Variants in CCNB3 observed in about 807,000 individuals in gnomAD.
CCNB3 encodes cyclin B3.
CCNB3 carries 12 observed loss-of-function variants against 68.0 expected under a neutral mutation model. The ratio of observed to expected loss-of-function variants is 0.18; its 90% CI spans 0.11 to 0.29. The LOEUF (loss-of-function observed/expected upper bound fraction) is 0.29. Among genes scored for constraint, CCNB3 ranks in the 10% least tolerant of loss-of-function variants. The pLI, the probability that CCNB3 is intolerant of heterozygous loss-of-function variation, is 1.00. For missense variants in CCNB3, 904 were observed against 993.1 expected (o/e 0.91, Z 1.21); for synonymous variants, 354 against 388.9 (o/e 0.91, Z 1.06).
At chrX:50,346,569 C>T (rs782635894) in intron 9 of CCNB3, 83 bp from the exon 10 acceptor site, 1 of 978,094 alleles carries the variant, frequency 1.0e-6, no homozygotes, top group African/African-American at 1.9e-5. Context: ...AATCCTTCAC[C>T]CTTCTCCCTG....
chrX:50,312,547 G>C lies in CCNB3; in HGVS notation c.3338G>C (p.Arg1113Pro), dbSNP rs781905159. The part of the protein sequence containing the change: ...AKGTPKEITP[R>P]EDIDEDSSDP... ...GTGATTTCTAAGCAGATAACCCCAC[G>C]GGAAGATATTGATGAGGACAGCAGT... Residue 1113 changes from arginine to proline, a missense_variant, in exon 7 of 13, where the codon CGG becomes CCG. By Grantham distance (103) the Arg-to-Pro change is moderately radical (BLOSUM62 -2). Around this residue, in one of 2 missense-constraint regions of CCNB3, gnomAD observed 285 missense variants for 383.4 expected, o/e 0.74. Coordinates refer to ENST00000376042, the MANE Select transcript of CCNB3 (RefSeq NM_033031.3). The C allele has an allele frequency of 1.1e-5, 13 of 1,201,409 alleles. No homozygotes were observed. The highest frequency in any genetic ancestry group is 1.5e-5 in the Non-Finnish European group (13 of 887,671).
chrX:50,280,997 G>T (rs959525900), intron 1 of CCNB3, among the ~76,000 whole-genome samples: 6 of 110,144 alleles, frequency 5.4e-5, no homozygotes, highest in Non-Finnish European at 7.6e-5. Flanking sequence ...CTGTCCTCAA[G>T]CGATCCGCCC....
chrX:50,301,036 A>T (rs1346341401), intron 5 of CCNB3, among the ~76,000 whole-genome samples: 62 of 102,323 alleles, frequency 6.1e-4, no homozygotes, highest in South Asian at 4.8e-3. Context: ...CCATTCGTCT[A>T]TTTTTTTTTT....
intron 1 of CCNB3, among the ~76,000 whole-genome samples, chrX:50,216,670 T>A (rs1296628739): frequency 8.9e-5 from 10 of 112,132 alleles, no homozygotes; most frequent in African/African-American, 3.2e-4. Flanking sequence ...ATATCTTAAG[T>A]TTGCCATTTT....
At chrX:50,320,314 A>G (rs1467166726) in intron 8 of CCNB3, among the ~76,000 whole-genome samples, 1 of 110,974 alleles carries the variant, frequency 9.0e-6, no homozygotes, top group African/African-American at 3.3e-5. Context: ...TTATAAGGTT[A>G]TTTAAGTTAT....
At chrX:50,207,976 G>A (rs142150195) in intron 1 of CCNB3, among the ~76,000 whole-genome samples, 1 of 111,467 alleles carries the variant, frequency 9.0e-6, no homozygotes, top group Non-Finnish European at 1.9e-5. Flanking sequence ...TGTCTCTATA[G>A]GTTTGCCTAT....
chrX:50,290,178 A>G (rs1366546328), intron 4 of CCNB3, among the ~76,000 whole-genome samples: 2 of 112,028 alleles, frequency 1.8e-5, no homozygotes, highest in Non-Finnish European at 3.8e-5. Context: ...GTACAGTGAC[A>G]CTGTGCAAGG....
chrX:50,288,634 T>A (rs1936286447), intron 3 of CCNB3, 146 bp from the exon 4 acceptor site: 1 of 424,820 alleles, frequency 2.4e-6, no homozygotes, highest in African/African-American at 2.5e-5. Flanking sequence ...CATAATTTCC[T>A]TTTGTTATAG....
rs782463055 is a variant in CCNB3, at chrX:50,289,417, A to G, written c.204+530A>G. ...ACCATAGTTCCAAGATCGAGTCTTTATGAAGATCTAGAAATTCAATTTTGG... is the reference window on the plus strand; with the variant it reads ...ACCATAGTTCCAAGATCGAGTCTTTGTGAAGATCTAGAAATTCAATTTTGG... On this transcript the variant is annotated intron_variant, in intron 4 of 12. Transcript: ENST00000376042. Among the ~76,000 whole-genome samples, 9 of 111,731 alleles carry G rather than the reference A, an allele frequency of 8.1e-5. No homozygotes were observed. The East Asian group carries it at 2.0e-3, about 25-fold the overall frequency.
intron 5 of CCNB3, 84 bp downstream of exon 5, chrX:50,295,077 C>A (rs879993208): frequency 2.8e-4 from 275 of 994,301 alleles, no homozygotes; most frequent in Admixed American, 2.6e-3. Flanking sequence ...ACATATTTAG[C>A]AAGCCACAAT....
intron 7 of CCNB3, 89 bp from the exon 8 acceptor site, chrX:50,313,767 G>C: frequency 3.0e-6 from 2 of 658,215 alleles, no homozygotes; most frequent in Non-Finnish European, 4.8e-6. Flanking sequence ...CAAGGAGTTA[G>C]AACTATGAGG....
chrX:50,335,208 C>T (rs1263897695), intron 8 of CCNB3, among the ~76,000 whole-genome samples: 2 of 111,970 alleles, frequency 1.8e-5, no homozygotes, highest in African/African-American at 6.5e-5. Context: ...GAAGCTGGGT[C>T]CAAGGGTACT....
At chrX:50,227,905 G>C (rs1288531615) in intron 1 of CCNB3, among the ~76,000 whole-genome samples, 2 of 77,941 alleles carry the variant, frequency 2.6e-5, no homozygotes, top group Non-Finnish European at 4.6e-5. Context: ...AATATATAGA[G>C]AGAATATATA....
intron 5 of CCNB3, 96 bp downstream of exon 5, chrX:50,295,089 G>C: frequency 2.2e-6 from 2 of 926,071 alleles, no homozygotes; most frequent in South Asian, 2.9e-5. Flanking sequence ...AGCCACAATG[G>C]TGACTACCAC....
chrX:50,346,868 GAGTA>G, intron 10 of CCNB3, 61 bp downstream of exon 10: 1 of 1,100,418 alleles, frequency 9.1e-7, no homozygotes, highest in Non-Finnish European at 1.2e-6. Flanking sequence ...TTTATACCCA[GAGTA>G]GCTGCCTTGA....
rs113855553 is a variant in CCNB3, at chrX:50,347,483, A to G, written c.3811-143A>G. ...CTGTTTTTGTGGGTAGGGAAGATGA[A>G]GTGAGTTACGGTTGCAGGAGAAAGG... On this transcript the variant is annotated intron_variant, in intron 10 of 12. Transcript: ENST00000376042. 3,812 of 503,329 alleles carry G rather than the reference A, an allele frequency of 7.6e-3. 105 individuals are homozygous for G. In the African/African-American group the frequency reaches 0.084, roughly 11 times the overall value. The allele number at this position is 503,329 out of a possible 1,213,427, so 41.5% of individuals were successfully genotyped here.
chrX:50,288,663 A>G, intron 3 of CCNB3, 117 bp from the exon 4 acceptor site: 1 of 459,110 alleles, frequency 2.2e-6, no homozygotes, highest in Admixed American at 3.7e-5. Flanking sequence ...GGTTTATTAT[A>G]TGCATCCTCA....
At position 50,214,475 on chromosome X, in the gene CCNB3, CATATATATATATATATAT is replaced by C. The variant is rs1184201216; in HGVS notation, c.-113+9542_-113+9559del. Among the ~76,000 whole-genome samples, 50 of 9,490 alleles carry C rather than the reference CATATATATATATATATAT, an allele frequency of 5.3e-3. 4 individuals are homozygous for C. The highest frequency in any genetic ancestry group is 0.1 in the Middle Eastern group (1 of 10). The allele number at this position is 9,490 out of a possible 115,157, so 8.2% of individuals were successfully genotyped here. ...TTACCTTTCAGTTTTAGCTGTGGCC[CATATATATATATATATAT>C]ATATATATATATATATTTTAGCTGT... On this transcript the variant is annotated intron_variant, in intron 1 of 12. Coordinates refer to ENST00000376042, the MANE Select transcript of CCNB3 (RefSeq NM_033031.3).
intron 8 of CCNB3, among the ~76,000 whole-genome samples, chrX:50,315,797 ATTAT>A (rs782055173): frequency 9.0e-6 from 1 of 111,523 alleles, no homozygotes; most frequent in South Asian, 3.8e-4. Flanking sequence ...TCCCTGACAA[ATTAT>A]TTGTTTTCCA....
Sources: gnomAD v4.1 joint callset for allele counts (sites outside exome capture counted in the v4.1 genomes callset) on GRCh38, gnomAD v4.1.1 for gene constraint, gnomAD v4.1.1 regional missense constraint, MANE v1.5 for transcripts, NCBI Gene and HGNC (gene_info 2026-07-23, HGNC 2026-07-21) for gene names.